Variants in CD58 observed in about 807,000 individuals in gnomAD.
The protein encoded by CD58 is lymphocyte function-associated antigen 3.
A neutral mutation model predicts 27.6 loss-of-function variants in CD58; 14 were observed. The observed-to-expected ratio is 0.51, with a 90% CI of 0.34 to 0.79. CD58 has a LOEUF of 0.79. Ranked by LOEUF, CD58 falls within the 30% of genes least tolerant of loss-of-function variation. CD58 has a pLI of 0.02. For synonymous variants in CD58, 117 were observed against 103.8 expected, an observed-to-expected ratio of 1.13 and a Z score of -0.77; for missense variants, 268 against 301.7, an observed-to-expected ratio of 0.89 and a Z score of 0.83.
Position 116,531,574 on chromosome 1 carries a change from G to A in CD58, c.628+4391C>T, listed in dbSNP as rs1265497864. ...CAAAAGGTGGAATTAATAAAGGAATGTTTGCTCCAAGCTTAACTATTTTAA... is the reference window on the plus strand; with the variant it reads ...CAAAAGGTGGAATTAATAAAGGAATATTTGCTCCAAGCTTAACTATTTTAA... On this transcript the variant is annotated intron_variant, in intron 3 of 5. Transcript: ENST00000369489. The surrounding 1 kb of genome is among the most constrained non-coding windows in gnomAD (Gnocchi z 4.5). 2.0e-5 allele frequency among the ~76,000 whole-genome samples: 3 copies of A among 152,262 alleles called. No homozygotes were observed. The highest frequency in any genetic ancestry group is 1.9e-4 in the East Asian group (1 of 5,184).
rs781543985 is a variant in CD58, at chr1:116,524,296, G to A, written c.629-2313C>T. ...GAGTTTCCTGGGATATGAAATTCGG[G>A]TGCTGAAACTGGGAAGTCTGGGCAC... On this transcript the variant is annotated intron_variant, in intron 3 of 5. Coordinates refer to ENST00000369489, the MANE Select transcript of CD58 (RefSeq NM_001779.3). The surrounding 1 kb of genome is among the most constrained non-coding windows in gnomAD (Gnocchi z 4.6). Among the ~76,000 whole-genome samples, 21 of 152,122 alleles carry A rather than the reference G, an allele frequency of 1.4e-4. No homozygotes were observed. The highest frequency in any genetic ancestry group is 5.9e-4 in the Admixed American group (9 of 15,274).
intron 1 of CD58, among the ~76,000 whole-genome samples, chr1:116,558,808 T>C (rs1658662959): frequency 6.6e-6 from 1 of 152,248 alleles, no homozygotes. Flanking sequence ...AGGCTTACTA[T>C]GTGACAAGCA....
chr1:116,521,884 T>G lies in CD58; in HGVS notation c.706+22A>C. On this transcript the variant is annotated intron_variant, in intron 4 of 5. Transcript: ENST00000369489. The surrounding 1 kb of genome is among the most constrained non-coding windows in gnomAD (Gnocchi z 5.6). ...AAACAATGCAAGTTTTCAAACTATT[T>G]TGTTTTAAAAAGCATACATACCATT... is the stretch of plus-strand genomic sequence containing the variant. 8.0e-7 allele frequency: 1 copy of G among 1,257,758 alleles called. No individual in the cohort carries two copies. The highest frequency in any genetic ancestry group is 1.2e-6 in the Non-Finnish European group (1 of 866,812). 77.9% of individuals were successfully genotyped at this position (1,257,758 alleles called of 1,614,324 possible).
rs1476479857 is a variant in CD58, at chr1:116,540,834, G to A, written c.364+3477C>T. Among the ~76,000 whole-genome samples, 12 of 152,250 alleles carry A rather than the reference G, an allele frequency of 7.9e-5. No individual in the cohort carries two copies. In the East Asian group the frequency reaches 1.5e-3, roughly 20 times the overall value. ...TTATTTAGCTAGTTATTTTGAGGCA[G>A]GGTCTTGGTCTGTCACCCAGACTGG... On this transcript the variant is annotated intron_variant, in intron 2 of 5. Coordinates refer to ENST00000369489, the MANE Select transcript of CD58 (RefSeq NM_001779.3).
Position 116,519,244 on chromosome 1 carries a change from G to T in CD58, c.730C>A (p.Pro244Thr), listed in dbSNP as rs1482667449. Residue 244 changes from proline (P) to threonine (T), a missense_variant, in exon 5 of 6, where the codon CCA (proline) becomes ACA (threonine). Coordinates refer to ENST00000369489, the MANE Select transcript of CD58 (RefSeq NM_001779.3). This position sits in a 1 kb window ranked among gnomAD's most constrained non-coding sequence, Gnocchi z 4.7. ...MNGILKCDRK[P>T]DRTNSN ...CAGTGTACTTACTTGGTTCTGTCTG[G>T]TTTTCTGTCACATTTCAGAATACCT... 4 of 1,612,658 alleles carry T rather than the reference G, an allele frequency of 2.5e-6. No individual in the cohort carries two copies. In the South Asian group the frequency reaches 4.4e-5, roughly 18 times the overall value.
intron 2 of CD58, among the ~76,000 whole-genome samples, chr1:116,540,748 TG>T (rs1321282402): frequency 3.3e-5 from 5 of 152,206 alleles, no homozygotes; most frequent in African/African-American, 1.2e-4. Flanking sequence ...TCTATCCAGT[TG>T]GTCTGACTAA....
chr1:116,519,135 C>T lies in CD58; in HGVS notation c.743+96G>A, dbSNP rs17517713. 1,169 of 1,576,550 alleles carry T rather than the reference C, an allele frequency of 7.4e-4. 1 individual carries two copies. Among genetic ancestry groups the T allele is most frequent in the Middle Eastern group, 2.2e-3 (13 of 5,996 alleles). ...ACTTCTTATTACTGTACAAGGCAAC[C>T]AACAGATGAGTACAATCTGGCTTCC... is the stretch of plus-strand genomic sequence containing the variant. On this transcript the variant is annotated intron_variant, in intron 5 of 5. Transcript: ENST00000369489. This position sits in a 1 kb window ranked among gnomAD's most constrained non-coding sequence, Gnocchi z 4.7.
At chr1:116,560,532 C>T (rs1448692400) in intron 1 of CD58, among the ~76,000 whole-genome samples, 1 of 152,156 alleles carries the variant, frequency 6.6e-6, no homozygotes, top group Non-Finnish European at 1.5e-5. Flanking sequence ...TCTTATTAAT[C>T]TGATTTTTTA....
chr1:116,533,174 C>T (rs962180159), intron 3 of CD58: 2 of 752,462 alleles, frequency 2.7e-6, no homozygotes, highest in Non-Finnish European at 4.9e-6. Context: ...AATCTTTATC[C>T]AGTGATTCTC....
rs1394880218 is a variant in CD58, at chr1:116,546,766, A to G, written c.71-2162T>C. 2.0e-5 allele frequency among the ~76,000 whole-genome samples: 3 copies of G among 152,088 alleles called. No individual in the cohort carries two copies. Among genetic ancestry groups the G allele is most frequent in the Admixed American group, 2.0e-4 (3 of 15,274 alleles). On this transcript the variant is annotated intron_variant, in intron 1 of 5. Transcript: ENST00000369489. This position sits in a 1 kb window ranked among gnomAD's most constrained non-coding sequence, Gnocchi z 4.1. ...GGAAGTGAGGGTAGAGAAAGGGGAG[A>G]CTGCAGCTCAGAAGAAATCAAAGTA...
intron 1 of CD58, among the ~76,000 whole-genome samples, chr1:116,556,826 C>T (rs181107582): frequency 4.0e-4 from 61 of 152,274 alleles, no homozygotes; most frequent in African/African-American, 1.4e-3. Context: ...TGAGGACTTG[C>T]GCACCAGTGA....
In CD58 at chr1:116,532,406, G is replaced by T. The variant is rs1657642520; in HGVS notation, c.628+3559C>A. Among the ~76,000 whole-genome samples, 1 of 152,156 alleles carries T rather than the reference G, an allele frequency of 6.6e-6. No homozygotes were observed. Among genetic ancestry groups the T allele is most frequent in the African/African-American group, 2.4e-5 (1 of 41,428 alleles). Reference sequence around the variant, plus strand: ...AAAGCAACATCCTAAGGAGAATACGGCCCTACTCTACACGGCCCTTCTGAG... The same window carrying T: ...AAAGCAACATCCTAAGGAGAATACGTCCCTACTCTACACGGCCCTTCTGAG... On this transcript the variant is annotated intron_variant, in intron 3 of 5. Coordinates refer to ENST00000369489, the MANE Select transcript of CD58 (RefSeq NM_001779.3). The surrounding 1 kb of genome is among the most constrained non-coding windows in gnomAD (Gnocchi z 5.1).
At chr1:116,549,843 C>T (rs1658330306) in intron 1 of CD58, among the ~76,000 whole-genome samples, 1 of 152,072 alleles carries the variant, frequency 6.6e-6, no homozygotes. Context: ...CTTGAAGATA[C>T]CGTGGGTTTG....
chr1:116,561,755 A>G (rs182252030), intron 1 of CD58, among the ~76,000 whole-genome samples: 1 of 152,340 alleles, frequency 6.6e-6, no homozygotes, highest in African/African-American at 2.4e-5. Flanking sequence ...ATCAAAGTTC[A>G]AGTTCACTCT....
In CD58 at chr1:116,534,643, C is replaced by T. The variant is rs898293273; in HGVS notation, c.628+1322G>A. 6.6e-6 allele frequency among the ~76,000 whole-genome samples: 1 copy of T among 152,150 alleles called. No homozygotes were observed. The highest frequency in any genetic ancestry group is 1.5e-5 in the Non-Finnish European group (1 of 68,006). On this transcript the variant is annotated intron_variant, in intron 3 of 5. Transcript: ENST00000369489. The surrounding 1 kb of genome is among the most constrained non-coding windows in gnomAD (Gnocchi z 5.3). ...CCGCTCCAGGCCCCAAGCCCCAGGC[C>T]CGCCGCGGCGGCGCTGCCCACCCTG... is the stretch of plus-strand genomic sequence containing the variant.
At chr1:116,554,426 C>T (rs763298021) in intron 1 of CD58, among the ~76,000 whole-genome samples, 15 of 152,074 alleles carry the variant, frequency 9.9e-5, no homozygotes, top group Non-Finnish European at 2.2e-4. Context: ...TGGCTCATGC[C>T]TACAATTCTA....
chr1:116,514,847 A>G (rs1418568726), intron 5 of CD58, 25 bp from the exon 6 acceptor site: 1 of 1,540,746 alleles, frequency 6.5e-7, no homozygotes. Context: ...CATATTATTA[A>G]CTTGTAAAAT....
At chr1:116,529,872 G>A (rs1398543191) in intron 3 of CD58, among the ~76,000 whole-genome samples, 1 of 152,124 alleles carries the variant, frequency 6.6e-6, no homozygotes, top group Non-Finnish European at 1.5e-5. Context: ...TGCAGTGACG[G>A]TATGACAGTA....
rs1379875805 is a variant in CD58 at position 116,528,619 on chromosome 1, C to T, written c.629-6636G>A. ...TCAAAAAATGTGCCCTTTCCCTAGGCTCCCATTTAGAGTTCTGTGTCAATG... is the reference window on the plus strand; with the variant it reads ...TCAAAAAATGTGCCCTTTCCCTAGGTTCCCATTTAGAGTTCTGTGTCAATG... On this transcript the variant is annotated intron_variant, in intron 3 of 5. Coordinates refer to ENST00000369489, the MANE Select transcript of CD58 (RefSeq NM_001779.3). The surrounding 1 kb of genome is among the most constrained non-coding windows in gnomAD (Gnocchi z 4.4). Among the ~76,000 whole-genome samples, 5 of 152,228 alleles carry T rather than the reference C, an allele frequency of 3.3e-5. No individual in the cohort carries two copies. The highest frequency in any genetic ancestry group is 3.3e-4 in the Admixed American group (5 of 15,290).
Sources: allele counts gnomAD v4.1 joint callset (sites outside exome capture counted in the v4.1 genomes callset), GRCh38; gene constraint gnomAD v4.1.1; non-coding constraint Gnocchi (gnomAD v3.1); transcripts MANE v1.5; gene names NCBI Gene and HGNC (gene_info 2026-07-23, HGNC 2026-07-21).